Variants in IRAK2 observed in about 807,000 individuals in gnomAD.
IRAK2 encodes interleukin 1 receptor associated kinase 2, also known as interleukin-1 receptor-associated kinase-like 2.
Under a neutral mutation model 72.0 loss-of-function variants are expected in IRAK2, and 57 were observed. The ratio of observed to expected loss-of-function variants is 0.79; its 90% CI spans 0.64 to 0.99. IRAK2 has a LOEUF of 0.99. IRAK2 is among the 50% of genes least tolerant of loss of function. The pLI, the probability that IRAK2 is intolerant of heterozygous loss-of-function variation, is 0.00. For missense variants in IRAK2, 790 were observed against 794.4 expected, an observed-to-expected ratio of 0.99 and a Z score of 0.07; for synonymous variants, 293 against 312.7, an observed-to-expected ratio of 0.94 and a Z score of 0.67.
At chr3:10,240,558 C>CCCCCCT (rs1274154130) in intron 12 of IRAK2, among the ~76,000 whole-genome samples, 9 of 18,068 alleles carry the variant, frequency 5.0e-4, no homozygotes, top group African/African-American at 2.1e-3. Context: ...CCCCCCCCGC[C>CCCCCCT]TTTTTTTTTT....
intron 1 of IRAK2, among the ~76,000 whole-genome samples, chr3:10,171,199 G>T (rs1024727192): frequency 6.6e-6 from 1 of 152,286 alleles, no homozygotes; most frequent in Middle Eastern, 3.4e-3. Context: ...GGGGCTCGGC[G>T]CAGGGGCTCT....
At chr3:10,181,945 ATTTTCTTTT>A (rs1385696959) in intron 2 of IRAK2, among the ~76,000 whole-genome samples, 4 of 147,136 alleles carry the variant, frequency 2.7e-5, no homozygotes, top group African/African-American at 5.0e-5. Flanking sequence ...AGTAAGCATC[ATTTTCTTTT>A]TTTTCTTTTT....
chr3:10,198,751 T>A (rs532680379), intron 2 of IRAK2, among the ~76,000 whole-genome samples: 1 of 152,206 alleles, frequency 6.6e-6, no homozygotes, highest in Non-Finnish European at 1.5e-5. Context: ...GAGGCACAGT[T>A]GACCAGTTCA....
intron 6 of IRAK2, among the ~76,000 whole-genome samples, chr3:10,216,663 TA>T (rs1427529455): frequency 6.6e-6 from 1 of 152,154 alleles, no homozygotes; most frequent in Admixed American, 6.5e-5. Flanking sequence ...GCAAGTCCCT[TA>T]ACCTCTCAGT....
intron 10 of IRAK2, among the ~76,000 whole-genome samples, chr3:10,229,495 A>C (rs1410328670): frequency 6.6e-6 from 1 of 152,052 alleles, no homozygotes; most frequent in Non-Finnish European, 1.5e-5. Flanking sequence ...ACCCCAGAAA[A>C]TTCCCTCCAC....
At chr3:10,214,024 G>C (rs1200795872) in intron 6 of IRAK2, among the ~76,000 whole-genome samples, 1 of 151,892 alleles carries the variant, frequency 6.6e-6, no homozygotes, top group East Asian at 1.9e-4. Flanking sequence ...TGCCTACCAG[G>C]TTCAGGTGAT....
intron 2 of IRAK2, among the ~76,000 whole-genome samples, chr3:10,183,640 G>C (rs1258019139): frequency 6.6e-6 from 1 of 152,146 alleles, no homozygotes; most frequent in African/African-American, 2.4e-5. Context: ...AGAGTGGTGG[G>C]AACCCGGGAG....
chr3:10,201,598 C>T, intron 3 of IRAK2, among the ~76,000 whole-genome samples: 1 of 152,250 alleles, frequency 6.6e-6, no homozygotes, highest in East Asian at 1.9e-4. Flanking sequence ...TCCTTTTGGA[C>T]CACTTCAGAT....
chr3:10,237,589 C>T (rs1334163125), intron 11 of IRAK2, among the ~76,000 whole-genome samples: 5 of 152,054 alleles, frequency 3.3e-5, no homozygotes, highest in Non-Finnish European at 4.4e-5. Context: ...GGGCGGATCA[C>T]GAGGTCAGGA....
intron 2 of IRAK2, among the ~76,000 whole-genome samples, chr3:10,178,466 A>G (rs1291755037): frequency 6.6e-6 from 1 of 151,986 alleles, no homozygotes; most frequent in African/African-American, 2.4e-5. Flanking sequence ...AAAAGAAAAA[A>G]AAAAAAGAAA....
chr3:10,177,142 G>C (rs1318963774), intron 1 of IRAK2, among the ~76,000 whole-genome samples: 1 of 152,078 alleles, frequency 6.6e-6, no homozygotes, highest in African/African-American at 2.4e-5. Context: ...TCACTATGTT[G>C]CCCAGGCTGG....
At chr3:10,185,964 G>C (rs1697069078) in intron 2 of IRAK2, among the ~76,000 whole-genome samples, 1 of 151,626 alleles carries the variant, frequency 6.6e-6, no homozygotes, top group Admixed American at 6.6e-5. Flanking sequence ...TGAGGCAAGA[G>C]AATCTCTTGA....
rs777279342 is a variant in IRAK2 at position 10,238,735 on chromosome 3, T to G, written c.1474-13T>G. Reference sequence around the variant, plus strand: ...AATTCCTGATGAGCTCCCTTCTCTCTCTTCTCCCAAAGGTGTGTGGCTCTG... The same window carrying G: ...AATTCCTGATGAGCTCCCTTCTCTCGCTTCTCCCAAAGGTGTGTGGCTCTG... On this transcript the variant is annotated splice_polypyrimidine_tract_variant and intron_variant, in intron 11 of 12. Transcript: ENST00000256458. The G allele has an allele frequency of 3.7e-6, 6 of 1,610,502 alleles. No individual in the cohort carries two copies. The highest frequency in any genetic ancestry group is 5.1e-6 in the Non-Finnish European group (6 of 1,177,866).
intron 12 of IRAK2, 59 bp downstream of exon 12, chr3:10,239,098 A>G (rs1055738480): frequency 6.2e-5 from 90 of 1,440,746 alleles, no homozygotes; most frequent in Non-Finnish European, 7.8e-5. Flanking sequence ...ACTTCAGCCC[A>G]TCATTTTTTC....
At chr3:10,218,346 C>T (rs774534409) in intron 7 of IRAK2, among the ~76,000 whole-genome samples, 3 of 150,988 alleles carry the variant, frequency 2.0e-5, no homozygotes, top group Non-Finnish European at 4.4e-5. Context: ...ATCACTTGAA[C>T]CCGGGAGGCA....
intron 9 of IRAK2, among the ~76,000 whole-genome samples, chr3:10,225,373 T>G: frequency 6.6e-6 from 1 of 151,998 alleles, no homozygotes; most frequent in Non-Finnish European, 1.5e-5. Context: ...AGGAACAGAG[T>G]CAGAATTTGA....
intron 10 of IRAK2, among the ~76,000 whole-genome samples, chr3:10,231,520 T>A (rs191314956): frequency 1.8e-4 from 27 of 152,252 alleles, no homozygotes; most frequent in Admixed American, 1.8e-3. Context: ...CTCGAACTCC[T>A]GAGCCCAAGT....
At chr3:10,182,779 T>G (rs556777468) in intron 2 of IRAK2, among the ~76,000 whole-genome samples, 13 of 152,148 alleles carry the variant, frequency 8.5e-5, no homozygotes, top group African/African-American at 2.9e-4. Context: ...TAATTTGTTT[T>G]TTTTTTTTTG....
intron 6 of IRAK2, among the ~76,000 whole-genome samples, chr3:10,216,048 G>A (rs948473358): frequency 6.6e-6 from 1 of 152,208 alleles, no homozygotes; most frequent in African/African-American, 2.4e-5. Flanking sequence ...GGGAAGCAGA[G>A]GAGGGCGGAG....
Sources: gnomAD v4.1 joint callset for allele counts (sites outside exome capture counted in the v4.1 genomes callset) on GRCh38, gnomAD v4.1.1 for gene constraint, MANE v1.5 for transcripts, NCBI Gene and HGNC (gene_info 2026-07-23, HGNC 2026-07-21) for gene names.